CORO6: variants seen among roughly 807,000 people sequenced by gnomAD.
CORO6 encodes coronin 6.
CORO6 carries 43 observed loss-of-function variants against 49.0 expected under a neutral mutation model. The ratio of observed to expected loss-of-function variants is 0.88; its 90% CI spans 0.69 to 1.13. CORO6 has a LOEUF of 1.13. Among genes scored for constraint, CORO6 ranks in the 50% most tolerant of loss-of-function variants. CORO6 has a pLI of 0.00. For missense variants in CORO6, 650 were observed against 647.0 expected (o/e 1.00, Z -0.05); for synonymous variants, 233 against 256.5 (o/e 0.91, Z 0.88).
At position 29,616,390 on chromosome 17, in the gene CORO6, CCTGT is replaced by C. The variant is rs3029571; in HGVS notation, c.1005-58_1005-55del. 5,322 of 1,541,690 alleles carry C rather than the reference CCTGT, an allele frequency of 3.5e-3. 250 individuals carry two copies. In the Admixed American group the frequency reaches 0.088, roughly 26 times the overall value. On this transcript the variant is annotated intron_variant, in intron 8 of 10. Coordinates refer to ENST00000388767, the MANE Select transcript of CORO6 (RefSeq NM_032854.4). The surrounding 1 kb of genome is among the most constrained non-coding windows in gnomAD (Gnocchi z 5.6). ...GCAGACTTCCACGTCCTTAACTTCTCCTGTCTAAGACCAAGGGGGTTGGAGGCCA... is the reference window on the plus strand; with the variant it reads ...GCAGACTTCCACGTCCTTAACTTCTCCTAAGACCAAGGGGGTTGGAGGCCA...
rs1234044632 is a variant in CORO6, at chr17:29,615,857, G to A, written c.1294C>T (p.Gln432Ter). Reference sequence around the variant, plus strand: ...AGCAGCGTCTCCAGGGTGTGCTGCTGCTGGGGCGGAGGACAGAGAGGCCGT... The same window carrying A: ...AGCAGCGTCTCCAGGGTGTGCTGCTACTGGGGCGGAGGACAGAGAGGCCGT... ...SQSASDAPLS[Q>*]QHTLETLLEE... The change falls in exon 11 of 11, where the codon CAG (glutamine) becomes TAG (stop). Residue 432 changes from glutamine to a stop codon, truncating the protein, a stop_gained and splice_region_variant. Coordinates refer to ENST00000388767, the MANE Select transcript of CORO6 (RefSeq NM_032854.4). LOFTEE classifies it high-confidence loss of function. 6.3e-7 allele frequency: 1 copy of A among 1,599,758 alleles called. No individual in the cohort carries two copies. The highest frequency in any genetic ancestry group is 1.1e-5 in the South Asian group (1 of 88,906).
intron 3 of CORO6, 49 bp from the exon 4 acceptor site, chr17:29,619,238 G>A (rs2035179989): frequency 6.3e-7 from 1 of 1,599,974 alleles, no homozygotes; most frequent in South Asian, 1.1e-5. Context: ...GAGCCACCCT[G>A]TCCCTCCACT....
chr17:29,619,155 T>C lies in CORO6; in HGVS notation c.356A>G (p.Asn119Ser), dbSNP rs1257242957. 1 of 1,613,722 alleles carries C rather than the reference T, an allele frequency of 6.2e-7. No individual in the cohort carries two copies. The highest frequency in any genetic ancestry group is 1.3e-5 in the African/African-American group (1 of 75,006). Reference sequence around the variant, plus strand: ...AAGTGTGATGATAGGTTCCGTAATGTTGCGCATGGGGGTATAGTCTGGAAT... The same window carrying C: ...AAGTGTGATGATAGGTTCCGTAATGCTGCGCATGGGGGTATAGTCTGGAAT... ...WQIPDYTPMR[N>S]ITEPIITLEG... Residue 119 changes from asparagine to serine, a missense_variant, in exon 4 of 11, where the codon AAC (asparagine) becomes AGC (serine). Coordinates refer to ENST00000388767, the MANE Select transcript of CORO6 (RefSeq NM_032854.4).
Position 29,616,427 on chromosome 17 carries a change from C to A in CORO6, c.1005-91G>T. The A allele has an allele frequency of 1.6e-6, 2 of 1,269,676 alleles. No homozygotes were observed. Among genetic ancestry groups the A allele is most frequent in the Non-Finnish European group, 2.2e-6 (2 of 906,660 alleles). 78.7% of individuals were successfully genotyped at this position (1,269,676 alleles called of 1,614,324 possible). A position where few individuals can be genotyped will look rare whatever the true frequency, so the allele number is the denominator to read the frequency against. Reference sequence around the variant, plus strand: ...CAAGGGGGTTGGAGGCCAACACTTGCTCAGCGCCTACCATGCATATTGCAC... The same window carrying A: ...CAAGGGGGTTGGAGGCCAACACTTGATCAGCGCCTACCATGCATATTGCAC... On this transcript the variant is annotated intron_variant, in intron 8 of 10. Coordinates refer to ENST00000388767, the MANE Select transcript of CORO6 (RefSeq NM_032854.4). This position sits in a 1 kb window ranked among gnomAD's most constrained non-coding sequence, Gnocchi z 5.6.
At position 29,616,418 on chromosome 17, in the gene CORO6, C is replaced by G; in HGVS notation, c.1005-82G>C. 7.3e-7 allele frequency: 1 copy of G among 1,360,582 alleles called. No individual in the cohort carries two copies. The highest frequency in any genetic ancestry group is 2.0e-5 in the Admixed American group (1 of 48,806). 84.3% of individuals were successfully genotyped at this position (1,360,582 alleles called of 1,614,324 possible). A position where few individuals can be genotyped will look rare whatever the true frequency, so the allele number is the denominator to read the frequency against. ...GTCTAAGACCAAGGGGGTTGGAGGC[C>G]AACACTTGCTCAGCGCCTACCATGC... On this transcript the variant is annotated intron_variant, in intron 8 of 10. Transcript: ENST00000388767. The surrounding 1 kb of genome is among the most constrained non-coding windows in gnomAD (Gnocchi z 5.6).
rs534027948 is a variant in CORO6 at position 29,622,718 on chromosome 17, G to C, written c.-94C>G. The C allele has an allele frequency of 1.5e-6, 2 of 1,295,886 alleles. No individual in the cohort carries two copies. Among genetic ancestry groups the C allele is most frequent in the Admixed American group, 2.4e-5 (1 of 42,270 alleles). 80.3% of individuals were successfully genotyped at this position (1,295,886 alleles called of 1,614,324 possible). A position where few individuals can be genotyped will look rare whatever the true frequency, so the allele number is the denominator to read the frequency against. On this transcript the variant is annotated 5_prime_UTR_variant, in exon 1 of 11. Transcript: ENST00000388767. ...CCTGAGCGGGCTGCGGGGCGCTCAC[G>C]CTGCGAATCCTCTGCGGAAGGGGCC... is the stretch of plus-strand genomic sequence containing the variant.
At position 29,621,544 on chromosome 17, in the gene CORO6, C is replaced by T; in HGVS notation, c.-63-60G>A. On this transcript the variant is annotated intron_variant, in intron 1 of 10. Transcript: ENST00000388767. This position sits in a 1 kb window ranked among gnomAD's most constrained non-coding sequence, Gnocchi z 4.2. ...TGAGAAGGGTTATGTGGTCAGGAGT[C>T]AGGTATAAATCCATATAGTGTCTGG... 13 of 1,489,662 alleles carry T rather than the reference C, an allele frequency of 8.7e-6. No individual in the cohort carries two copies. The highest frequency in any genetic ancestry group is 1.2e-5 in the Non-Finnish European group (13 of 1,110,018). The allele number at this position is 1,489,662 out of a possible 1,614,324, so 92.3% of individuals were successfully genotyped here. A position where few individuals can be genotyped will look rare whatever the true frequency, so the allele number is the denominator to read the frequency against.
rs2034772937 is a variant in CORO6, at chr17:29,614,968, G to A, written c.*764C>T. 6.6e-6 allele frequency: 1 copy of A among 152,232 alleles called. No individual in the cohort carries two copies. The highest frequency in any genetic ancestry group is 1.5e-5 in the Non-Finnish European group (1 of 68,054). 9.4% of individuals were successfully genotyped at this position (152,232 alleles called of 1,614,324 possible). On this transcript the variant is annotated 3_prime_UTR_variant, in exon 11 of 11. Coordinates refer to ENST00000388767, the MANE Select transcript of CORO6 (RefSeq NM_032854.4). ...TCCCCTCACTCCCACCCATGCAGGA[G>A]GCACAGACTGAACGCTTAGTAAAAT...
rs1826317870 is a variant in CORO6, at chr17:29,618,903, G to C, written c.520C>G (p.His174Asp). The change falls in exon 5 of 11, where the codon CAC (histidine) becomes GAC (aspartate). Residue 174 changes from histidine (H) to aspartate (D), a missense_variant. Coordinates refer to ENST00000388767, the MANE Select transcript of CORO6 (RefSeq NM_032854.4). ...GEVLLSLDDM[H>D]PDVIHSVCWN... ...CACACACTGTGGATGACGTCTGGGT[G>C]CATATCATCCAGGCTCAGCAGCACC... is the stretch of plus-strand genomic sequence containing the variant. The C allele has an allele frequency of 6.2e-7, 1 of 1,613,828 alleles. No homozygotes were observed. The highest frequency in any genetic ancestry group is 1.3e-5 in the African/African-American group (1 of 74,892).
intron 5 of CORO6, chr17:29,618,092 C>G: frequency 1.3e-6 from 2 of 1,481,968 alleles, no homozygotes; most frequent in Non-Finnish European, 1.8e-6. Context: ...CTGCTGAAGC[C>G]GGTGCTGAGC....
intron 6 of CORO6, 153 bp from the exon 7 acceptor site, chr17:29,617,195 T>TCTCCTCCTCCCCTGCGCACATAG (rs1474513624): frequency 5.2e-6 from 8 of 1,539,110 alleles, no homozygotes; most frequent in Non-Finnish European, 7.0e-6. Flanking sequence ...TGGGCACATC[T>TCTCCTCCTCCCCTGCGCACATAG]CTCCTCCTCC....
In CORO6 at chr17:29,618,824, C is replaced by A. The variant is rs375611970; in HGVS notation, c.599G>T (p.Arg200Leu). ...LATTCKDKTL[R>L]IIDPRKGQVV... is the part of the protein sequence containing the mutation. The stretch of plus-strand genomic sequence containing the variant: ...TTGGCCTTTTCTGGGGTCAATGATG[C>A]GCAAGGTCTTGTCCTTGCAGGTGGT... The change falls in exon 5 of 11, where the codon CGC (arginine) becomes CTC (leucine). Residue 200 changes from arginine (R) to leucine (L), a missense_variant. Transcript: ENST00000388767. 3 of 1,613,838 alleles carry A rather than the reference C, an allele frequency of 1.9e-6. No individual in the cohort carries two copies. Among genetic ancestry groups the A allele is most frequent in the African/African-American group, 2.7e-5 (2 of 74,878 alleles).
rs888821124 is a variant in CORO6, at chr17:29,618,843, A to G, written c.580T>C (p.Cys194Arg). ...NSNGSLLATTCKDKTLRIIDP... is the reference protein window; with the variant it reads ...NSNGSLLATTRKDKTLRIIDP... ...ATGATGCGCAAGGTCTTGTCCTTGCAGGTGGTGGCTAGCAGGCTACCGTTG... is the reference window on the plus strand; with the variant it reads ...ATGATGCGCAAGGTCTTGTCCTTGCGGGTGGTGGCTAGCAGGCTACCGTTG... Residue 194 changes from cysteine to arginine, a missense_variant, in exon 5 of 11, where the codon TGC becomes CGC. Cys to Arg is a radical substitution (Grantham distance 180, BLOSUM62 -3). Coordinates refer to ENST00000388767, the MANE Select transcript of CORO6 (RefSeq NM_032854.4). The G allele has an allele frequency of 1.2e-6, 2 of 1,614,068 alleles. No individual in the cohort carries two copies. Among genetic ancestry groups the G allele is most frequent in the African/African-American group, 1.3e-5 (1 of 75,030 alleles).
In CORO6 at chr17:29,619,174, C is replaced by A; in HGVS notation, c.337G>T (p.Asp113Tyr). 6.2e-7 allele frequency: 1 copy of A among 1,613,642 alleles called. No homozygotes were observed. The highest frequency in any genetic ancestry group is 8.5e-7 in the Non-Finnish European group (1 of 1,179,942). Residue 113 changes from aspartate (D) to tyrosine (Y), a missense_variant, in exon 4 of 11, where the codon GAC (aspartate) becomes TAC (tyrosine). Coordinates refer to ENST00000388767, the MANE Select transcript of CORO6 (RefSeq NM_032854.4). ...GTAATGTTGCGCATGGGGGTATAGT[C>A]TGGAATCTGCCACACCTGGGTAGGA... ...DTTIMVWQIP[D>Y]YTPMRNITEP...
rs765437209 is a variant in CORO6, at chr17:29,616,321, G to T, written c.1020C>A (p.His340Gln). The change falls in exon 9 of 11, where the codon CAC becomes CAA. Residue 340 changes from histidine (H) to glutamine (Q), a missense_variant. Transcript: ENST00000388767. The surrounding 1 kb of genome is among the most constrained non-coding windows in gnomAD (Gnocchi z 5.6). ...TGATGATAGGTTCACACTTTCTTTC[G>T]TGTAGCTTGTAGAACCTATAAGGGA... ...KCEIARFYKLHERKCEPIIMT... is the reference protein window; with the variant it reads ...KCEIARFYKLQERKCEPIIMT... 2 of 1,607,398 alleles carry T rather than the reference G, an allele frequency of 1.2e-6. No individual in the cohort carries two copies.
At position 29,621,503 on chromosome 17, in the gene CORO6, G is replaced by GT; in HGVS notation, c.-63-20dup. The GT allele has an allele frequency of 6.5e-7, 1 of 1,537,750 alleles. No individual in the cohort carries two copies. The highest frequency in any genetic ancestry group is 2.0e-5 in the Admixed American group (1 of 50,860). On this transcript the variant is annotated intron_variant, in intron 1 of 10. Coordinates refer to ENST00000388767, the MANE Select transcript of CORO6 (RefSeq NM_032854.4). The surrounding 1 kb of genome is among the most constrained non-coding windows in gnomAD (Gnocchi z 4.2). The stretch of plus-strand genomic sequence containing the variant: ...CTGTGAGCTGCGGGAGGGAGGAGGA[G>GT]TGGAGGGGTGGCTGATGAGAAGGGT...
Position 29,616,805 on chromosome 17 carries a change from G to A in CORO6, c.901C>T (p.Pro301Ser), listed in dbSNP as rs1478542968. 3.1e-6 allele frequency: 5 copies of A among 1,613,836 alleles called. No homozygotes were observed. In the East Asian group the frequency reaches 1.1e-4, roughly 36 times the overall value. ...AACGTGTTCAGGTAGTGCACGAAAG[G>A]CGGCTCGTCGGTAATCTCAAAGTAC... Reference protein sequence around the residue: ...IRYFEITDEPPFVHYLNTFSS... With the variant: ...IRYFEITDEPSFVHYLNTFSS... The change falls in exon 8 of 11, where the codon CCT (proline) becomes TCT (serine). Residue 301 changes from proline to serine, a missense_variant. Physicochemically the swap from Pro to Ser is moderately conservative, Grantham distance 74. Transcript: ENST00000388767. The surrounding 1 kb of genome is among the most constrained non-coding windows in gnomAD (Gnocchi z 5.6).
rs2150942363 is a variant in CORO6 at position 29,621,787 on chromosome 17, C to T, written c.-63-303G>A. The T allele has an allele frequency of 3.6e-6, 1 of 276,552 alleles. No individual in the cohort carries two copies. The highest frequency in any genetic ancestry group is 1.1e-3 in the Middle Eastern group (1 of 882). The allele number at this position is 276,552 out of a possible 1,614,324, so 17.1% of individuals were successfully genotyped here. ...ATGCCACACTGCCTGCACCCCCCGC[C>T]CCCACCACCGCCAGCCTTGATGAGC... On this transcript the variant is annotated intron_variant, in intron 1 of 10. Transcript: ENST00000388767. This position sits in a 1 kb window ranked among gnomAD's most constrained non-coding sequence, Gnocchi z 4.2.
At chr17:29,620,427 G>C (rs1256628075) in intron 2 of CORO6, among the ~76,000 whole-genome samples, 1 of 152,318 alleles carries the variant, frequency 6.6e-6, no homozygotes, top group East Asian at 1.9e-4. Flanking sequence ...AGGCAGCTCC[G>C]GCTGAAATTT....
Sources: gnomAD v4.1 joint callset for allele counts (sites outside exome capture counted in the v4.1 genomes callset) on GRCh38, gnomAD v4.1.1 for gene constraint, Gnocchi (gnomAD v3.1) non-coding constraint, MANE v1.5 for transcripts, NCBI Gene and HGNC (gene_info 2026-07-23, HGNC 2026-07-21) for gene names.